Variants in R3HCC1 observed in about 807,000 individuals in gnomAD.
The protein encoded by R3HCC1 is R3H and coiled-coil domain-containing protein 1.
A neutral mutation model predicts 40.0 loss-of-function variants in R3HCC1; 32 were observed. The ratio of observed to expected loss-of-function variants is 0.80; its 90% CI spans 0.60 to 1.07. The LOEUF (loss-of-function observed/expected upper bound fraction) is 1.07, where lower values mean the gene tolerates loss of function less well. R3HCC1 is among the 50% of genes least tolerant of loss of function. The pLI, the probability that R3HCC1 is intolerant of heterozygous loss-of-function variation, is 0.00. For synonymous variants in R3HCC1, 237 were observed against 232.8 expected (o/e 1.02, Z -0.17); for missense variants, 586 against 563.3 (o/e 1.04, Z -0.41).
At chr8:23,290,511 G>A in intron 4 of R3HCC1, 42 bp downstream of exon 4, 1 of 1,517,570 alleles carries the variant, frequency 6.6e-7, no homozygotes, top group African/African-American at 1.4e-5. Flanking sequence ...GCGGAGGTGA[G>A]GTGGGTGTGG....
rs139475977 is a variant in R3HCC1, at chr8:23,295,372, G to A, written c.1192+508G>A. ...CTTCAGTCTGAAGGATTGAATGAGA[G>A]CCTGGCATACCTGCCTGGAGCCCTG... is the stretch of plus-strand genomic sequence containing the variant. On this transcript the variant is annotated intron_variant, in intron 7 of 7. Transcript: ENST00000265806. 673 of 429,814 alleles carry A rather than the reference G, an allele frequency of 1.6e-3. 4 individuals are homozygous for A. Among genetic ancestry groups the A allele is most frequent in the Middle Eastern group, 1.0e-2 (29 of 2,906 alleles). 26.6% of individuals were successfully genotyped at this position (429,814 alleles called of 1,614,324 possible).
At chr8:23,292,992 C>G (rs945837178) in intron 5 of R3HCC1, among the ~76,000 whole-genome samples, 2 of 152,208 alleles carry the variant, frequency 1.3e-5, no homozygotes, top group Non-Finnish European at 2.9e-5. Flanking sequence ...TGGGCTGAGA[C>G]AGGCCTGGTG....
intron 7 of R3HCC1, chr8:23,295,447 T>G (rs1802984827): frequency 8.8e-6 from 4 of 456,926 alleles, no homozygotes; most frequent in African/African-American, 4.0e-5. Flanking sequence ...CCTTTTCCCC[T>G]TCTACTTCCA....
At position 23,290,438 on chromosome 8, in the gene R3HCC1, C is replaced by G; in HGVS notation, c.821C>G (p.Ser274Trp). The change falls in exon 4 of 8, where the codon TCG (serine) becomes TGG (tryptophan). Residue 274 changes from serine (S) to tryptophan (W), a missense_variant. Transcript: ENST00000265806. ...GAAGAGGATGGCCCCAGCAGCTGCT[C>G]GGAGGACGATTACAGTGAGCTGCTG... 1 of 1,551,032 alleles carries G rather than the reference C, an allele frequency of 6.4e-7. No individual in the cohort carries two copies. Among genetic ancestry groups the G allele is most frequent in the Non-Finnish European group, 8.7e-7 (1 of 1,146,802 alleles).
At chr8:23,290,574 A>AG (rs1802846109) in intron 4 of R3HCC1, 105 bp downstream of exon 4, 4 of 1,306,788 alleles carry the variant, frequency 3.1e-6, no homozygotes, top group Non-Finnish European at 4.1e-6. Flanking sequence ...GGGATGTGCA[A>AG]GGGGAGGTAG....
chr8:23,294,664 A>G, intron 6 of R3HCC1, 105 bp from the exon 7 acceptor site: 1 of 850,870 alleles, frequency 1.2e-6, no homozygotes, highest in Non-Finnish European at 1.9e-6. Flanking sequence ...CCCTGCCCTG[A>G]GCTTTGAATA....
Position 23,289,072 on chromosome 8 carries a change from C to T in R3HCC1, c.167C>T (p.Ala56Val), listed in dbSNP as rs1281730043. 7 of 1,536,592 alleles carry T rather than the reference C, an allele frequency of 4.6e-6. No individual in the cohort carries two copies. The highest frequency in any genetic ancestry group is 6.1e-6 in the Non-Finnish European group (7 of 1,146,974). The change falls in exon 3 of 8, where the codon GCA becomes GTA. Residue 56 changes from alanine to valine, a missense_variant. Ala to Val is a moderately conservative substitution (Grantham distance 64). Transcript: ENST00000265806. ...CTCCGGTACCTGATCCATAGAACAGCAGAGAATTTTGATCTCTTGAGCAGC... is the reference window on the plus strand; with the variant it reads ...CTCCGGTACCTGATCCATAGAACAGTAGAGAATTTTGATCTCTTGAGCAGC...
chr8:23,294,698 T>A, intron 6 of R3HCC1, 71 bp from the exon 7 acceptor site: 1 of 1,178,788 alleles, frequency 8.5e-7, no homozygotes, highest in African/African-American at 1.5e-5. Context: ...GCTGCAGGGG[T>A]TCGGGGTGGT....
At chr8:23,288,209 G>A in intron 1 of R3HCC1, 52 bp downstream of exon 1, 3 of 1,208,896 alleles carry the variant, frequency 2.5e-6, no homozygotes, top group Non-Finnish European at 3.1e-6. Flanking sequence ...GGGCTCCCGG[G>A]TGGGAAGGAG....
At chr8:23,291,236 T>C in intron 4 of R3HCC1, 125 bp from the exon 5 acceptor site, 4 of 1,370,838 alleles carry the variant, frequency 2.9e-6, no homozygotes, top group Non-Finnish European at 3.9e-6. Context: ...GTCTGCCTGC[T>C]GCTGCCTTTC....
intron 5 of R3HCC1, among the ~76,000 whole-genome samples, chr8:23,292,628 TAAAAAC>T (rs141942379): frequency 0.2 from 30,194 of 151,752 alleles, 3,812 homozygotes; most frequent in Middle Eastern, 0.34. Context: ...AAAATAAAAA[TAAAAAC>T]AAAAAGAAAC....
chr8:23,291,196 T>C (rs1317395666), intron 4 of R3HCC1, 165 bp from the exon 5 acceptor site: 21 of 922,854 alleles, frequency 2.3e-5, no homozygotes, highest in Admixed American at 2.9e-5. Context: ...GTAAAACCCA[T>C]GCGTCTTGAC....
chr8:23,293,251 G>C, intron 5 of R3HCC1, 52 bp from the exon 6 acceptor site: 2 of 1,442,304 alleles, frequency 1.4e-6, no homozygotes, highest in Admixed American at 2.0e-5. Flanking sequence ...ATTCGAAGAG[G>C]AGTTTGACTG....
Position 23,290,033 on chromosome 8 carries a change from T to C in R3HCC1, c.416T>C (p.Val139Ala), listed in dbSNP as rs1390400303. Residue 139 changes from valine to alanine, a missense_variant, in exon 4 of 8, where the codon GTG becomes GCG. By Grantham distance (64) the Val-to-Ala change is moderately conservative (BLOSUM62 0). Transcript: ENST00000265806. ...CGCAAGCCTGACCAGCCTTTGTATG[T>C]GCCCCGGGTGCTGCGCAGGCAGGAA... 6.5e-7 allele frequency: 1 copy of C among 1,542,320 alleles called. No individual in the cohort carries two copies. Among genetic ancestry groups the C allele is most frequent in the African/African-American group, 1.4e-5 (1 of 73,182 alleles).
intron 7 of R3HCC1, 95 bp downstream of exon 7, chr8:23,294,959 C>A: frequency 1.1e-6 from 1 of 923,400 alleles, no homozygotes; most frequent in Non-Finnish European, 1.7e-6. Flanking sequence ...CTGGTTTGGG[C>A]AGGGTCTTCC....
Position 23,293,303 on chromosome 8 carries a change from A to C in R3HCC1, c.1026A>C (p.Gln342His), listed in dbSNP as rs1248997677. 6.4e-7 allele frequency: 1 copy of C among 1,551,358 alleles called. No individual in the cohort carries two copies. Among genetic ancestry groups the C allele is most frequent in the Admixed American group, 2.0e-5 (1 of 50,988 alleles). The stretch of plus-strand genomic sequence containing the variant: ...TGCTGTCTCCTCTCTCGCCGCACAG[A>C]GAGAAGGGGTTCAGGATTCAGTGGG... The change falls in exon 6 of 8, where the codon CAA becomes CAC. Residue 342 changes from glutamine (Q) to histidine (H), a missense_variant and splice_region_variant. Transcript: ENST00000265806.
In R3HCC1 at chr8:23,289,166, C is replaced by T. The variant is rs1316863860; in HGVS notation, c.248+13C>T. ...ACCAGGACATCAGGTGTGTAGCCTC[C>T]CACCTTGAAGTGCCTGCAGCGGTGG... On this transcript the variant is annotated intron_variant, in intron 3 of 7. Coordinates refer to ENST00000265806, the MANE Select transcript of R3HCC1 (RefSeq NM_001136108.3). 1.3e-6 allele frequency: 2 copies of T among 1,535,782 alleles called. No individual in the cohort carries two copies. The highest frequency in any genetic ancestry group is 2.4e-5 in the South Asian group (2 of 84,042).
At chr8:23,295,542 G>A (rs1368434154) in intron 7 of R3HCC1, 5 of 463,290 alleles carry the variant, frequency 1.1e-5, no homozygotes, top group Non-Finnish European at 2.2e-5. Context: ...GAGGCCTGCC[G>A]AGGCCAGCTG....
rs374578131 is a variant in R3HCC1, at chr8:23,294,686, C to T, written c.1097-83C>T. ...CTGAGCTTTGAATAGGTGCACAACA[C>T]GGCTGCAGGGGTTCGGGGTGGTGGG... is the stretch of plus-strand genomic sequence containing the variant. On this transcript the variant is annotated intron_variant, in intron 6 of 7. Transcript: ENST00000265806. 5.7e-5 allele frequency: 57 copies of T among 998,612 alleles called. No individual in the cohort carries two copies. The East Asian group carries it at 8.9e-4, about 16-fold the overall frequency. The allele number at this position is 998,612 out of a possible 1,614,324, so 61.9% of individuals were successfully genotyped here.
Sources: allele counts gnomAD v4.1 joint callset (sites outside exome capture counted in the v4.1 genomes callset), GRCh38; gene constraint gnomAD v4.1.1; transcripts MANE v1.5; gene names NCBI Gene and HGNC (gene_info 2026-07-23, HGNC 2026-07-21).